The following SERBP1 variants were observed in gnomAD, a reference collection of about 807,000 sequenced individuals.
The protein encoded by SERBP1 is SERPINE1 mRNA binding protein 1, also known as SERPINE1 mRNA-binding protein 1.
Under a neutral mutation model 50.2 loss-of-function variants are expected in SERBP1, and 6 were observed. That is an observed-to-expected ratio of 0.12 (90% CI 0.07 to 0.24). SERBP1 has a LOEUF of 0.24. Ranked by LOEUF, SERBP1 falls within the 10% of genes least tolerant of loss-of-function variation. The pLI, the probability that SERBP1 is intolerant of heterozygous loss-of-function variation, is 1.00. For missense variants in SERBP1, 346 were observed against 524.9 expected (o/e 0.66, Z 3.33); for synonymous variants, 168 against 182.8 (o/e 0.92, Z 0.65).
chr1:67,422,926 T>TA (rs977597318), intron 5 of SERBP1, among the ~76,000 whole-genome samples: 10 of 151,316 alleles, frequency 6.6e-5, no homozygotes, highest in African/African-American at 2.4e-4. Flanking sequence ...GCGCCACTGT[T>TA]ACTTCAGCCT....
chr1:67,420,167 C>T lies in SERBP1; in HGVS notation c.793G>A (p.Val265Ile), dbSNP rs368550333. The T allele has an allele frequency of 2.3e-5, 37 of 1,611,240 alleles. No individual in the cohort carries two copies. The African/African-American group carries it at 4.7e-4, about 20-fold the overall frequency. Reference sequence around the variant, plus strand: ...ATCTCTTTTGGACCCTCCTCTTTTACCTCTTCAACTTCATTCTCCCTGTGA... The same window carrying T: ...ATCTCTTTTGGACCCTCCTCTTTTATCTCTTCAACTTCATTCTCCCTGTGA... ...TENKENEVEE[V>I]KEEGPKEMTL... Residue 265 changes from valine (V) to isoleucine (I), a missense_variant, in exon 6 of 8, where the codon GTA becomes ATA. Val to Ile is a conservative substitution (Grantham distance 29). Coordinates refer to ENST00000361219, the MANE Select transcript of SERBP1 (RefSeq NM_001018069.2).
chr1:67,415,889 C>T (rs1041362629), intron 6 of SERBP1, among the ~76,000 whole-genome samples: 1 of 152,076 alleles, frequency 6.6e-6, no homozygotes, highest in Non-Finnish European at 1.5e-5. Context: ...ACAACCACTA[C>T]GTTTTTCTAC....
rs1666806182 is a variant in SERBP1, at chr1:67,410,664, G to T, written c.*2543C>A. The T allele has an allele frequency of 1.3e-5, 2 of 152,118 alleles. No homozygotes were observed. The highest frequency in any genetic ancestry group is 4.8e-5 in the African/African-American group (2 of 41,444). The allele number at this position is 152,118 out of a possible 1,614,324, so 9.4% of individuals were successfully genotyped here. A position where few individuals can be genotyped will look rare whatever the true frequency, so the allele number is the denominator to read the frequency against. On this transcript the variant is annotated 3_prime_UTR_variant, in exon 8 of 8. Coordinates refer to ENST00000361219, the MANE Select transcript of SERBP1 (RefSeq NM_001018069.2). ...ATAAAAGTTCACTGAAACATCAGCT[G>T]CCACCATTACTTTAGGAATCTTTAT... is the stretch of plus-strand genomic sequence containing the variant.
Position 67,413,380 on chromosome 1 carries a change from G to A in SERBP1, c.1126-117C>T. On this transcript the variant is annotated intron_variant, in intron 7 of 7. Coordinates refer to ENST00000361219, the MANE Select transcript of SERBP1 (RefSeq NM_001018069.2). ...AATCTTACTGTTGGCCAGGCACAGT[G>A]GCTCACACCTGTAATCCCAGCGCTT... 9 of 909,292 alleles carry A rather than the reference G, an allele frequency of 9.9e-6. No individual in the cohort carries two copies. In the South Asian group the frequency reaches 1.8e-4, roughly 18 times the overall value. The allele number at this position is 909,292 out of a possible 1,614,324, so 56.3% of individuals were successfully genotyped here. A position where few individuals can be genotyped will look rare whatever the true frequency, so the allele number is the denominator to read the frequency against.
At position 67,410,611 on chromosome 1, in the gene SERBP1, G is replaced by C. The variant is rs1248812646; in HGVS notation, c.*2596C>G. Reference sequence around the variant, plus strand: ...AAAATGCCTTAAAAATCTCAGGTCTGGCATTACTTCCATTTAAACGCATCA... The same window carrying C: ...AAAATGCCTTAAAAATCTCAGGTCTCGCATTACTTCCATTTAAACGCATCA... On this transcript the variant is annotated 3_prime_UTR_variant, in exon 8 of 8. Coordinates refer to ENST00000361219, the MANE Select transcript of SERBP1 (RefSeq NM_001018069.2). The C allele has an allele frequency of 1.3e-5, 2 of 152,048 alleles. No individual in the cohort carries two copies. The highest frequency in any genetic ancestry group is 1.5e-5 in the Non-Finnish European group (1 of 67,980). 9.4% of individuals were successfully genotyped at this position (152,048 alleles called of 1,614,324 possible).
chr1:67,413,557 G>A (rs1006389385), intron 7 of SERBP1, among the ~76,000 whole-genome samples: 7 of 151,248 alleles, frequency 4.6e-5, no homozygotes, highest in East Asian at 3.9e-4. Context: ...GCTGAGGCAG[G>A]AGAATCGCTT....
intron 5 of SERBP1, 141 bp downstream of exon 5, chr1:67,424,059 G>A (rs369580323): frequency 6.6e-6 from 5 of 759,692 alleles, no homozygotes; most frequent in Non-Finnish European, 2.0e-6. Context: ...AATACTCTTT[G>A]AGGGATGAGG....
At chr1:67,417,975 T>TG (rs1220183467) in intron 6 of SERBP1, among the ~76,000 whole-genome samples, 2 of 135,864 alleles carry the variant, frequency 1.5e-5, no homozygotes, top group African/African-American at 5.5e-5. Context: ...AGTGTTGTTT[T>TG]TTTTTTTTTT....
Position 67,408,316 on chromosome 1 carries a change from CAAG to C in SERBP1, c.*4888_*4890del, listed in dbSNP as rs1472647705. ...TATACTTTCTTGCATATACAAGTCT[CAAG>C]AAGAGTAATGTCATACAAGAGCACT... On this transcript the variant is annotated 3_prime_UTR_variant, in exon 8 of 8. Coordinates refer to ENST00000361219, the MANE Select transcript of SERBP1 (RefSeq NM_001018069.2). 6.6e-6 allele frequency: 1 copy of C among 152,118 alleles called. No homozygotes were observed. Among genetic ancestry groups the C allele is most frequent in the East Asian group, 1.9e-4 (1 of 5,188 alleles). The allele number at this position is 152,118 out of a possible 1,614,324, so 9.4% of individuals were successfully genotyped here. A position where few individuals can be genotyped will look rare whatever the true frequency, so the allele number is the denominator to read the frequency against.
In SERBP1 at chr1:67,430,130, G is replaced by T; in HGVS notation, c.171C>A (p.Ala57=). ...GGPGAKSAAQ[A]AAQTNSNAAG... ...CCGCGTTGGAGTTGGTCTGGGCCGC[G>T]GCCTGAGCTGCGCTCTTGGCCCCAG... The change falls in exon 1 of 8, where the codon GCC becomes GCA. Residue 57 remains alanine (A), a synonymous_variant. Transcript: ENST00000361219. 6.2e-7 allele frequency: 1 copy of T among 1,611,812 alleles called. No homozygotes were observed. Among genetic ancestry groups the T allele is most frequent in the Non-Finnish European group, 8.5e-7 (1 of 1,179,770 alleles).
In SERBP1 at chr1:67,428,938, TGCTTGCTATTGATC is replaced by T. The variant is rs1436928066; in HGVS notation, c.313+1036_313+1049del. Reference sequence around the variant, plus strand: ...AGATTCAGACCTTAGGTCCAACACCTGCTTGCTATTGATCATGCACGTTCTTATCTCCAAACTGC... The same window carrying T: ...AGATTCAGACCTTAGGTCCAACACCTATGCACGTTCTTATCTCCAAACTGC... On this transcript the variant is annotated intron_variant, in intron 1 of 7. Transcript: ENST00000361219. Among the ~76,000 whole-genome samples the T allele has an allele frequency of 5.3e-5, 8 of 152,304 alleles. No homozygotes were observed. In the East Asian group the frequency reaches 1.5e-3, roughly 29 times the overall value.
chr1:67,409,643 C>G lies in SERBP1; in HGVS notation c.*3564G>C, dbSNP rs1290117827. ...TCTTGAAATTACCGACTTCCTCAGC[C>G]TGAAAGATTTATTTCAATCACTTCA... On this transcript the variant is annotated 3_prime_UTR_variant, in exon 8 of 8. Coordinates refer to ENST00000361219, the MANE Select transcript of SERBP1 (RefSeq NM_001018069.2). The G allele has an allele frequency of 6.6e-6, 1 of 152,112 alleles. No individual in the cohort carries two copies. Among genetic ancestry groups the G allele is most frequent in the African/African-American group, 2.4e-5 (1 of 41,410 alleles). The allele number at this position is 152,112 out of a possible 1,614,324, so 9.4% of individuals were successfully genotyped here. A position where few individuals can be genotyped will look rare whatever the true frequency, so the allele number is the denominator to read the frequency against.
At chr1:67,428,585 G>A (rs141858329) in intron 1 of SERBP1, among the ~76,000 whole-genome samples, 40 of 152,282 alleles carry the variant, frequency 2.6e-4, no homozygotes, top group Middle Eastern at 3.4e-3. Context: ...TTAACTGGCT[G>A]AAGAGATACT....
rs149016261 is a variant in SERBP1, at chr1:67,424,896, G to A, written c.687C>T (p.Asp229=). 41 of 1,611,200 alleles carry A rather than the reference G, an allele frequency of 2.5e-5. 1 individual carries two copies. The Middle Eastern group carries it at 8.7e-4, about 34-fold the overall frequency. ...AAAATCAGAATACCAACGTTAATTC[G>A]TCTTTGACAGTTCCCCAGTTGTGAG... ...SGSHNWGTVK[D]ELTDLDQSNV... The change falls in exon 4 of 8, where the codon GAC becomes GAT. Residue 229 remains aspartate, a synonymous_variant. Transcript: ENST00000361219.
At position 67,415,286 on chromosome 1, in the gene SERBP1, A is replaced by G. The variant is rs764107654; in HGVS notation, c.1005T>C (p.Asp335=). The G allele has an allele frequency of 1.2e-6, 2 of 1,611,044 alleles. No individual in the cohort carries two copies. Among genetic ancestry groups the G allele is most frequent in the South Asian group, 2.2e-5 (2 of 90,290 alleles). The change falls in exon 7 of 8, where the codon GAT becomes GAC. Residue 335 remains aspartate (D), a synonymous_variant. Coordinates refer to ENST00000361219, the MANE Select transcript of SERBP1 (RefSeq NM_001018069.2). ...AATTGATCTCCAGCTGAGACGTTAT[A>G]TCATTTGCTGGCTTCCGGAAATGAT... ...MDHHFRKPAN[D]ITSQLEINFG... is the part of the protein sequence containing the mutation.
chr1:67,423,539 G>A (rs781343324), intron 5 of SERBP1, among the ~76,000 whole-genome samples: 2 of 151,926 alleles, frequency 1.3e-5, no homozygotes, highest in African/African-American at 4.8e-5. Flanking sequence ...CCCAGGAGGC[G>A]GAGGGTGCAG....
In SERBP1 at chr1:67,412,323, A is replaced by AC. The variant is rs1181810589; in HGVS notation, c.*883dup. The AC allele has an allele frequency of 1.3e-5, 2 of 152,520 alleles. No individual in the cohort carries two copies. Among genetic ancestry groups the AC allele is most frequent in the East Asian group, 3.8e-4 (2 of 5,198 alleles). 9.4% of individuals were successfully genotyped at this position (152,520 alleles called of 1,614,324 possible). A position where few individuals can be genotyped will look rare whatever the true frequency, so the allele number is the denominator to read the frequency against. On this transcript the variant is annotated 3_prime_UTR_variant, in exon 8 of 8. Coordinates refer to ENST00000361219, the MANE Select transcript of SERBP1 (RefSeq NM_001018069.2). ...CACATTGGCCAAATCAACTTATTCCACCCACCCTGGTGAAGGGGGAGAAAA... is the reference window on the plus strand; with the variant it reads ...CACATTGGCCAAATCAACTTATTCCACCCCACCCTGGTGAAGGGGGAGAAAA...
At chr1:67,423,606 CAAAAAAAGAAAAA>C (rs1667277227) in intron 5 of SERBP1, among the ~76,000 whole-genome samples, 1 of 130,902 alleles carries the variant, frequency 7.6e-6, no homozygotes, top group South Asian at 2.5e-4. Context: ...AATCTTGTCT[CAAAAAAAGAAAAA>C]AAAAAAAAAA....
At chr1:67,420,303 T>C (rs1667160256) in intron 5 of SERBP1, 117 bp from the exon 6 acceptor site, 1 of 958,292 alleles carries the variant, frequency 1.0e-6, no homozygotes, top group Non-Finnish European at 1.5e-6. Context: ...AGAAAGATTA[T>C]TCAAGGATGA....
Sources: allele counts gnomAD v4.1 joint callset (sites outside exome capture counted in the v4.1 genomes callset), GRCh38; gene constraint gnomAD v4.1.1; transcripts MANE v1.5; gene names NCBI Gene and HGNC (gene_info 2026-07-23, HGNC 2026-07-21).